CCDC88B: variants seen among roughly 807,000 people sequenced by gnomAD.
The protein encoded by CCDC88B is coiled-coil domain-containing protein 88B.
CCDC88B carries 138 observed loss-of-function variants against 183.7 expected under a neutral mutation model. The observed-to-expected ratio is 0.75, with a 90% CI of 0.65 to 0.87. The LOEUF (loss-of-function observed/expected upper bound fraction) is 0.87, where lower values mean the gene tolerates loss of function less well. Ranked by LOEUF, CCDC88B falls within the 40% of genes least tolerant of loss-of-function variation. CCDC88B has a pLI of 0.00. For missense variants in CCDC88B, 1,822 were observed against 1,965.6 expected (o/e 0.93, Z 1.38); for synonymous variants, 835 against 867.5 (o/e 0.96, Z 0.66).
rs569639786 is a variant in CCDC88B, at chr11:64,341,821, G to C, written c.675+79G>C. The C allele has an allele frequency of 3.2e-5, 48 of 1,502,998 alleles. 2 individuals are homozygous for C. In the South Asian group the frequency reaches 6.1e-4, roughly 19 times the overall value. 93.1% of individuals were successfully genotyped at this position (1,502,998 alleles called of 1,614,324 possible). A position where few individuals can be genotyped will look rare whatever the true frequency, so the allele number is the denominator to read the frequency against. ...GGGAGCCGGTTGTGCAAGGGAGATGGAAGTTTGGGGCCCAGGCATGGGGTT... is the reference window on the plus strand; with the variant it reads ...GGGAGCCGGTTGTGCAAGGGAGATGCAAGTTTGGGGCCCAGGCATGGGGTT... On this transcript the variant is annotated intron_variant, in intron 7 of 26. Transcript: ENST00000356786.
rs758178508 is a variant in CCDC88B, at chr11:64,354,122, G to A, written c.4051G>A (p.Gly1351Ser). The stretch of plus-strand genomic sequence containing the variant: ...GGCTGGCAGCACCGAGAGCCTGGGG[G>A]GCCCCCCGGAGACGGAGCTTCCTGA... Reference protein sequence around the residue: ...DGAGSTESLGGPPETELPEGR... With the variant: ...DGAGSTESLGSPPETELPEGR... The change falls in exon 24 of 27, where the codon GGC becomes AGC. Residue 1351 changes from glycine (G) to serine (S), a missense_variant. Physicochemically the swap from Gly to Ser is moderately conservative, Grantham distance 56. Transcript: ENST00000356786. 2 of 1,377,442 alleles carry A rather than the reference G, an allele frequency of 1.5e-6. No homozygotes were observed. Among genetic ancestry groups the A allele is most frequent in the Non-Finnish European group, 1.9e-6 (2 of 1,059,098 alleles). 85.3% of individuals were successfully genotyped at this position (1,377,442 alleles called of 1,614,324 possible).
intron 14 of CCDC88B, chr11:64,348,735 T>C: frequency 2.2e-6 from 1 of 459,758 alleles, no homozygotes; most frequent in Non-Finnish European, 3.9e-6. Context: ...CAGAATGGTT[T>C]GGTCTCCCTC....
intron 16 of CCDC88B, 147 bp downstream of exon 16, chr11:64,349,815 A>T: frequency 1.4e-6 from 1 of 721,954 alleles, no homozygotes; most frequent in South Asian, 1.7e-5. Context: ...CCTGTTGGAG[A>T]GAGCACTGTG....
At chr11:64,351,050 T>G (rs1591293378) in intron 16 of CCDC88B, 110 bp from the exon 17 acceptor site, 3 of 671,906 alleles carry the variant, frequency 4.5e-6, no homozygotes, top group Admixed American at 3.6e-5. Flanking sequence ...TGGGGCGGGG[T>G]GGACTAGGCT....
chr11:64,352,174 G>A lies in CCDC88B; in HGVS notation c.3144G>A (p.Arg1048=). The change falls in exon 19 of 27, where the codon CGG becomes CGA. Residue 1048 remains arginine (R), a synonymous_variant. Transcript: ENST00000356786. ...VLEIQGQELH[R]KLEVLEEEVR... ...AGATTCAGGGCCAGGAGCTGCACCG[G>A]AAGCTGGAGGTGCTGGAGGAGGAGG... 6.2e-7 allele frequency: 1 copy of A among 1,603,316 alleles called. No homozygotes were observed. The highest frequency in any genetic ancestry group is 8.5e-7 in the Non-Finnish European group (1 of 1,172,210).
At position 64,355,403 on chromosome 11, in the gene CCDC88B, G is replaced by A. The variant is rs760381475; in HGVS notation, c.4306+3G>A. The A allele has an allele frequency of 3.8e-6, 6 of 1,592,480 alleles. No homozygotes were observed. Among genetic ancestry groups the A allele is most frequent in the Admixed American group, 3.5e-5 (2 of 56,564 alleles). ...GGCGCCCGTCTCCCACAGCAAAGGT[G>A]AGGGACAAGGGTCACTGTACCAGCC... is the stretch of plus-strand genomic sequence containing the variant. On this transcript the variant is annotated splice_donor_region_variant and intron_variant, in intron 25 of 26. Transcript: ENST00000356786.
At position 64,343,254 on chromosome 11, in the gene CCDC88B, C is replaced by T. The variant is rs2035959958; in HGVS notation, c.1138C>T (p.Arg380Cys). Residue 380 changes from arginine (R) to cysteine (C), a missense_variant, in exon 11 of 27, where the codon CGC (arginine) becomes TGC (cysteine). Physicochemically the swap from Arg to Cys is radical, Grantham distance 180 (BLOSUM62 -3). Transcript: ENST00000356786. ...AGAGCAGCTGGAGGCTGCCCGAGAG[C>T]GCTGCGCCCGGCTGCACGAGACCCA... Reference protein sequence around the residue: ...LEEQLEAARERCARLHETQRE... With the variant: ...LEEQLEAARECCARLHETQRE... 10 of 1,548,420 alleles carry T rather than the reference C, an allele frequency of 6.5e-6. No individual in the cohort carries two copies. The East Asian group carries it at 2.0e-4, about 30-fold the overall frequency.
chr11:64,354,163 T>C lies in CCDC88B; in HGVS notation c.4092T>C (p.Asp1364=), dbSNP rs2036454166. The C allele has an allele frequency of 2.2e-6, 3 of 1,358,094 alleles. No homozygotes were observed. Among genetic ancestry groups the C allele is most frequent in the South Asian group, 2.2e-5 (1 of 45,668 alleles). The allele number at this position is 1,358,094 out of a possible 1,614,324, so 84.1% of individuals were successfully genotyped here. A position where few individuals can be genotyped will look rare whatever the true frequency, so the allele number is the denominator to read the frequency against. Residue 1364 remains aspartate, a synonymous_variant, in exon 24 of 27, where the codon GAT becomes GAC. Transcript: ENST00000356786. ...AGCTTCCTGAGGGCAGGGAGGCAGA[T>C]GGGACAGGTGGGTCTGGGGGTCAGG... is the stretch of plus-strand genomic sequence containing the variant. ...ETELPEGREA[D]GTGSPSPAPM...
Position 64,355,336 on chromosome 11 carries a change from C to T in CCDC88B, c.4242C>T (p.Thr1414=). ...CTGAGTCATTCAGCCCTGGGGACAC[C>T]CCTAGGCAACGATTCCGACAGCGCC... ...RSSESFSPGD[T]PRQRFRQRHP... The change falls in exon 25 of 27, where the codon ACC becomes ACT. Residue 1414 remains threonine (T), a synonymous_variant. Coordinates refer to ENST00000356786, the MANE Select transcript of CCDC88B (RefSeq NM_032251.6). The T allele has an allele frequency of 1.3e-6, 2 of 1,593,960 alleles. No homozygotes were observed. The highest frequency in any genetic ancestry group is 1.8e-5 in the Admixed American group (1 of 56,472).
rs766199179 is a variant in CCDC88B, at chr11:64,353,088, C to T, written c.3535C>T (p.Arg1179Trp). Residue 1179 changes from arginine (R) to tryptophan (W), a missense_variant, in exon 21 of 27, where the codon CGG becomes TGG. Transcript: ENST00000356786. The stretch of plus-strand genomic sequence containing the variant: ...GCTGCTGGCAGAGTTGTCTCGGGAG[C>T]GGGGTGAGCTGCAGGGTGAACGCGG... ...QMLLAELSRE[R>W]GELQGERGEL... is the part of the protein sequence containing the mutation. 8.1e-6 allele frequency: 13 copies of T among 1,606,250 alleles called. No individual in the cohort carries two copies. Among genetic ancestry groups the T allele is most frequent in the Admixed American group, 5.1e-5 (3 of 59,180 alleles).
Position 64,344,001 on chromosome 11 carries a change from C to G in CCDC88B, c.1460C>G (p.Pro487Arg). The G allele has an allele frequency of 6.4e-7, 1 of 1,554,224 alleles. No homozygotes were observed. The highest frequency in any genetic ancestry group is 8.7e-7 in the Non-Finnish European group (1 of 1,148,198). ...VLQGQPGGQH[P>R]LLEAPREDPV... is the part of the protein sequence containing the mutation. ...GTCCCTCTCGTATGCCCTCAGCACC[C>G]CCTGCTGGAGGCACCGAGAGAGGAC... is the stretch of plus-strand genomic sequence containing the variant. Residue 487 changes from proline to arginine, a missense_variant, in exon 14 of 27, where the codon CCC becomes CGC. Coordinates refer to ENST00000356786, the MANE Select transcript of CCDC88B (RefSeq NM_032251.6). This position sits in a 1 kb window ranked among gnomAD's most constrained non-coding sequence, Gnocchi z 4.5.
rs1478105255 is a variant in CCDC88B, at chr11:64,354,191, G to A, written c.4099+21G>A. ...GACAGGTGGGTCTGGGGGTCAGGTG[G>A]CCAGGATGGTCCCTGCCCCACATCC... On this transcript the variant is annotated intron_variant, in intron 24 of 26. Transcript: ENST00000356786. The A allele has an allele frequency of 2.3e-6, 3 of 1,330,212 alleles. No individual in the cohort carries two copies. In the East Asian group the frequency reaches 8.3e-5, roughly 37 times the overall value. 82.4% of individuals were successfully genotyped at this position (1,330,212 alleles called of 1,614,324 possible).
chr11:64,342,685 G>A lies in CCDC88B; in HGVS notation c.1062+5G>A. ...GCCTACAAGAGTCAGCTGGAGGTGA[G>A]GCGGAGACGGAGCCGCGGGGCGGGG... On this transcript the variant is annotated splice_donor_5th_base_variant and intron_variant, in intron 10 of 26. Coordinates refer to ENST00000356786, the MANE Select transcript of CCDC88B (RefSeq NM_032251.6). The A allele has an allele frequency of 6.8e-7, 1 of 1,475,562 alleles. No individual in the cohort carries two copies. Among genetic ancestry groups the A allele is most frequent in the Non-Finnish European group, 8.9e-7 (1 of 1,119,988 alleles). 91.4% of individuals were successfully genotyped at this position (1,475,562 alleles called of 1,614,324 possible).
intron 18 of CCDC88B, 129 bp downstream of exon 18, chr11:64,351,745 T>A (rs1591294931): frequency 8.2e-7 from 1 of 1,220,428 alleles, no homozygotes; most frequent in Non-Finnish European, 1.1e-6. Flanking sequence ...GTCTCATTTA[T>A]CCTTGTCCTC....
At position 64,352,289 on chromosome 11, in the gene CCDC88B, C is replaced by T. The variant is rs746620915; in HGVS notation, c.3259C>T (p.Arg1087Trp). 8 of 1,576,124 alleles carry T rather than the reference C, an allele frequency of 5.1e-6. No homozygotes were observed. In the East Asian group the frequency reaches 7.1e-5, roughly 14 times the overall value. ...DHKALAQLQR[R>W]QEAELEGLLV... is the part of the protein sequence containing the mutation. ...CAAGGCCCTGGCACAGCTGCAGCGG[C>T]GGCAGGAGGCCGAGCTAGAGGGACT... Residue 1087 changes from arginine to tryptophan, a missense_variant, in exon 19 of 27, where the codon CGG becomes TGG. Arg to Trp is a moderately radical substitution (Grantham distance 101, BLOSUM62 -3). Transcript: ENST00000356786.
At chr11:64,348,877 C>T (rs2036217454) in intron 14 of CCDC88B, 1 of 638,434 alleles carries the variant, frequency 1.6e-6, no homozygotes, top group Non-Finnish European at 2.9e-6. Context: ...CCACTGTCAG[C>T]TCCTGACTTC....
rs1591301716 is a variant in CCDC88B at position 64,355,224 on chromosome 11, C to T, written c.4130C>T (p.Ala1377Val). ...CCTTCCCCGGCACCCATGCGCCGGG[C>T]CCAGAGCTCCCTCTGCCTGCGGGAT... The part of the protein sequence containing the change: ...GSPSPAPMRR[A>V]QSSLCLRDET... Residue 1377 changes from alanine to valine, a missense_variant, in exon 25 of 27, where the codon GCC (alanine) becomes GTC (valine). Transcript: ENST00000356786. The T allele has an allele frequency of 6.6e-7, 1 of 1,511,390 alleles. No individual in the cohort carries two copies. Among genetic ancestry groups the T allele is most frequent in the Non-Finnish European group, 8.8e-7 (1 of 1,132,808 alleles). The allele number at this position is 1,511,390 out of a possible 1,614,324, so 93.6% of individuals were successfully genotyped here.
intron 19 of CCDC88B, 130 bp downstream of exon 19, chr11:64,352,516 G>A (rs902656808): frequency 1.4e-5 from 19 of 1,381,282 alleles, no homozygotes; most frequent in Admixed American, 5.1e-5. Flanking sequence ...GGCCACTGCT[G>A]TGCCCTCTGG....
intron 26 of CCDC88B, 103 bp from the exon 27 acceptor site, chr11:64,356,936 T>C: frequency 8.9e-7 from 1 of 1,128,582 alleles, no homozygotes; most frequent in Non-Finnish European, 1.3e-6. Flanking sequence ...CGGGGGGTAT[T>C]GGCAGGTCGG....
Sources: gnomAD v4.1 joint callset for allele counts on GRCh38, gnomAD v4.1.1 for gene constraint, Gnocchi (gnomAD v3.1) non-coding constraint, MANE v1.5 for transcripts, NCBI Gene and HGNC (gene_info 2026-07-23, HGNC 2026-07-21) for gene names.